Variants in CAPN5 observed in about 807,000 individuals in gnomAD.
CAPN5 encodes calpain 5, also known as calpain-5.
CAPN5 carries 54 observed loss-of-function variants against 73.0 expected under a neutral mutation model. The observed-to-expected ratio is 0.74, with a 90% CI of 0.59 to 0.93. The LOEUF (loss-of-function observed/expected upper bound fraction) is 0.93, where lower values mean the gene tolerates loss of function less well. Among genes scored for constraint, CAPN5 ranks in the 40% least tolerant of loss-of-function variants. CAPN5 has a pLI of 0.00. For synonymous variants in CAPN5, 335 were observed against 356.9 expected (o/e 0.94, Z 0.69); for missense variants, 785 against 882.9 (o/e 0.89, Z 1.41).
chr11:77,093,588 GTGTCTGTCACGTC>G (rs1298368736), intron 2 of CAPN5, 81 bp from the exon 3 acceptor site: 16 of 766,626 alleles, frequency 2.1e-5, no homozygotes, highest in Middle Eastern at 3.7e-4. Context: ...CAGCAAGTCT[GTGTCTGTCACGTC>G]TGTGTCTGTC....
chr11:77,104,925 G>C (rs1208602561), intron 3 of CAPN5, among the ~76,000 whole-genome samples: 2 of 152,216 alleles, frequency 1.3e-5, no homozygotes, highest in Non-Finnish European at 2.9e-5. Context: ...GTGGGTGAGA[G>C]AGTGGGAGAG....
intron 3 of CAPN5, among the ~76,000 whole-genome samples, chr11:77,095,122 C>T (rs1191759758): frequency 9.9e-5 from 15 of 152,182 alleles, no homozygotes; most frequent in Admixed American, 2.0e-4. Flanking sequence ...GCCATGGTTG[C>T]GGCGTGTGGA....
chr11:77,120,621 C>T (rs546330185), intron 9 of CAPN5, 92 bp from the exon 10 acceptor site: 4 of 767,638 alleles, frequency 5.2e-6, no homozygotes, highest in South Asian at 3.6e-5. Context: ...GGGATTCCAT[C>T]GTCCCTTCCA....
intron 1 of CAPN5, among the ~76,000 whole-genome samples, chr11:77,081,223 G>T (rs1312826419): frequency 1.3e-5 from 2 of 152,160 alleles, no homozygotes; most frequent in African/African-American, 2.4e-5. Flanking sequence ...TCATTTTAGG[G>T]GGTGCCCTGA....
intron 2 of CAPN5, among the ~76,000 whole-genome samples, chr11:77,086,774 A>C (rs781901636): frequency 6.6e-6 from 1 of 152,126 alleles, no homozygotes; most frequent in Admixed American, 6.5e-5. Context: ...TTGCCCAGAC[A>C]TTTTAGGTCC....
chr11:77,081,568 G>A (rs1252446964), intron 1 of CAPN5, among the ~76,000 whole-genome samples: 1 of 152,208 alleles, frequency 6.6e-6, no homozygotes, highest in African/African-American at 2.4e-5. Context: ...GCTCTGCATG[G>A]TGGGGTCTTG....
intron 2 of CAPN5, chr11:77,087,924 T>A (rs1555035809): frequency 6.5e-7 from 1 of 1,535,944 alleles, no homozygotes; most frequent in East Asian, 2.4e-5. Flanking sequence ...AGGCTCGCTA[T>A]GTTTTTGTTC....
chr11:77,089,680 C>G (rs1439028718), intron 2 of CAPN5, among the ~76,000 whole-genome samples: 3 of 152,172 alleles, frequency 2.0e-5, no homozygotes, highest in African/African-American at 7.2e-5. Flanking sequence ...TGAGACCAGC[C>G]TGGCCAACAT....
intron 12 of CAPN5, 88 bp from the exon 13 acceptor site, chr11:77,123,600 C>G: frequency 2.6e-6 from 3 of 1,161,048 alleles, no homozygotes; most frequent in Non-Finnish European, 3.8e-6. Context: ...CTTCAAGGCC[C>G]TGCCACCACC....
chr11:77,095,968 T>C (rs1280900501), intron 3 of CAPN5, among the ~76,000 whole-genome samples: 2 of 152,172 alleles, frequency 1.3e-5, no homozygotes, highest in Non-Finnish European at 2.9e-5. Context: ...TAATTGCACT[T>C]TGCCTCCTGT....
intron 3 of CAPN5, among the ~76,000 whole-genome samples, chr11:77,098,125 C>T (rs1326456767): frequency 4.5e-5 from 3 of 67,216 alleles, no homozygotes; most frequent in African/African-American, 9.6e-5. Flanking sequence ...CCCTCCCGGA[C>T]GGGGCGGCTG....
intron 2 of CAPN5, among the ~76,000 whole-genome samples, chr11:77,090,944 T>C (rs544573186): frequency 9.9e-5 from 15 of 152,206 alleles, no homozygotes; most frequent in African/African-American, 3.4e-4. Flanking sequence ...CCGTTGGGGA[T>C]GGATGAGACC....
chr11:77,081,379 ATACT>A (rs782382382), intron 1 of CAPN5, among the ~76,000 whole-genome samples: 6 of 152,144 alleles, frequency 3.9e-5, no homozygotes, highest in Non-Finnish European at 8.8e-5. Flanking sequence ...TGAATGACAC[ATACT>A]TCATTTGGCC....
intron 3 of CAPN5, among the ~76,000 whole-genome samples, chr11:77,095,224 C>T (rs1420520970): frequency 6.6e-6 from 1 of 151,468 alleles, no homozygotes; most frequent in African/African-American, 2.4e-5. Flanking sequence ...CCAGAGAGGG[C>T]TGGGGCCTGG....
At chr11:77,093,652 C>CCT (rs782581393) in intron 2 of CAPN5, 30 bp from the exon 3 acceptor site, 37 of 1,545,918 alleles carry the variant, frequency 2.4e-5, no homozygotes, top group Non-Finnish European at 3.2e-5. Context: ...CTCCTCCGCC[C>CCT]CTCACGCTCT....
chr11:77,103,858 C>A (rs1407218496), intron 3 of CAPN5, among the ~76,000 whole-genome samples: 1 of 152,190 alleles, frequency 6.6e-6, no homozygotes, highest in Non-Finnish European at 1.5e-5. Context: ...CGTCGACAAC[C>A]CTCAGGATAT....
At chr11:77,103,228 C>T (rs537540352) in intron 3 of CAPN5, 10 of 1,613,694 alleles carry the variant, frequency 6.2e-6, no homozygotes, top group African/African-American at 4.0e-5. Context: ...GAGCGCCTGT[C>T]GGACCTGGCC....
At chr11:77,084,120 G>A (rs1166856330) in intron 1 of CAPN5, among the ~76,000 whole-genome samples, 1 of 152,200 alleles carries the variant, frequency 6.6e-6, no homozygotes, top group Non-Finnish European at 1.5e-5. Flanking sequence ...CCTGCCAGCC[G>A]CTGTTCCTTG....
Position 77,114,263 on chromosome 11 carries a change from CCTGGATGG to C in CAPN5, c.529_536del (p.Leu177ArgfsTer16). The C allele has an allele frequency of 1.9e-6, 3 of 1,614,076 alleles. No homozygotes were observed. Among genetic ancestry groups the C allele is most frequent in the Non-Finnish European group, 2.5e-6 (3 of 1,179,994 alleles). Reference sequence around the variant, plus strand: ...CCAGACTGGCAGGCTGTTACCAGGCCCTGGATGGAGGCAACACAGCAGACGCACTGGTG... The same window carrying C: ...CCAGACTGGCAGGCTGTTACCAGGCCAGGCAACACAGCAGACGCACTGGTG... On this transcript the variant is annotated frameshift_variant, in exon 5 of 13. Coordinates refer to ENST00000648180, the MANE Select transcript of CAPN5 (RefSeq NM_004055.5). LOFTEE classifies it high-confidence loss of function.
Sources: gnomAD v4.1 joint callset for allele counts (sites outside exome capture counted in the v4.1 genomes callset) on GRCh38, gnomAD v4.1.1 for gene constraint, MANE v1.5 for transcripts, NCBI Gene and HGNC (gene_info 2026-07-23, HGNC 2026-07-21) for gene names.